The following CNMD variants were observed in gnomAD, a reference collection of about 807,000 sequenced individuals.
CNMD encodes the protein chondromodulin.
In CNMD, 30 loss-of-function variants were observed where a neutral mutation model predicts 37.5. That is an observed-to-expected ratio of 0.80 (90% CI 0.60 to 1.09). The LOEUF (loss-of-function observed/expected upper bound fraction) is 1.09, where lower values mean the gene tolerates loss of function less well. Among genes scored for constraint, CNMD ranks in the 50% least tolerant of loss-of-function variants. The pLI, the probability that CNMD is intolerant of heterozygous loss-of-function variation, is 0.00. For missense variants in CNMD, 398 were observed against 423.9 expected (o/e 0.94, Z 0.54); for synonymous variants, 167 against 148.2 (o/e 1.13, Z -0.92).
chr13:52,733,381 A>G, intron 2 of CNMD, 22 bp from the exon 3 acceptor site: 1 of 1,612,826 alleles, frequency 6.2e-7, no homozygotes. Context: ...CATAAGAGTT[A>G]GTGATGCTTT....
chr13:52,726,048 C>G (rs926624155), intron 3 of CNMD, among the ~76,000 whole-genome samples: 3 of 152,222 alleles, frequency 2.0e-5, no homozygotes, highest in Admixed American at 1.3e-4. Flanking sequence ...TTTCTCCCAG[C>G]ACTACTGCTC....
intron 3 of CNMD, among the ~76,000 whole-genome samples, chr13:52,729,409 A>G (rs183525274): frequency 6.6e-6 from 1 of 152,364 alleles, no homozygotes; most frequent in African/African-American, 2.4e-5. Flanking sequence ...AATTTTTGGC[A>G]TAGTCTTAAT....
chr13:52,715,940 A>G lies in CNMD; in HGVS notation c.469-3071T>C, dbSNP rs1259524585. Among the ~76,000 whole-genome samples the G allele has an allele frequency of 2.0e-5, 3 of 152,328 alleles. No homozygotes were observed. The South Asian group carries it at 6.2e-4, about 32-fold the overall frequency. On this transcript the variant is annotated intron_variant, in intron 4 of 6. Coordinates refer to ENST00000377962, the MANE Select transcript of CNMD (RefSeq NM_007015.3). ...AGGAATCACCACACTGTATTCCACA[A>G]TGGTTAAACTGATTTATAGTCCCAT...
intron 6 of CNMD, among the ~76,000 whole-genome samples, chr13:52,707,460 G>A (rs906203987): frequency 1.4e-4 from 22 of 151,766 alleles, no homozygotes; most frequent in Non-Finnish European, 2.5e-4. Context: ...TCAGCCTAAA[G>A]CATTTTACAT....
intron 4 of CNMD, among the ~76,000 whole-genome samples, chr13:52,715,150 A>G (rs1310861725): frequency 6.6e-6 from 1 of 152,106 alleles, no homozygotes; most frequent in Non-Finnish European, 1.5e-5. Context: ...ATCCAGTTAT[A>G]CTGTTAGTTT....
At chr13:52,719,797 ATG>A (rs1361144918) in intron 4 of CNMD, among the ~76,000 whole-genome samples, 1 of 152,064 alleles carries the variant, frequency 6.6e-6, no homozygotes, top group African/African-American at 2.4e-5. Flanking sequence ...TCTGACGATT[ATG>A]TGTCTTGGGG....
intron 4 of CNMD, among the ~76,000 whole-genome samples, chr13:52,716,814 T>G (rs760254419): frequency 2.0e-5 from 3 of 152,136 alleles, no homozygotes; most frequent in Non-Finnish European, 2.9e-5. Context: ...TTGCATAGGA[T>G]TGTCTTGGTT....
In CNMD at chr13:52,712,755, C is replaced by A; in HGVS notation, c.583G>T (p.Asp195Tyr). The A allele has an allele frequency of 6.5e-7, 1 of 1,549,384 alleles. No homozygotes were observed. Among genetic ancestry groups the A allele is most frequent in the South Asian group, 1.3e-5 (1 of 77,566 alleles). ...LSSKVLELCG[D>Y]LPIFWLKPTY... is the part of the protein sequence containing the mutation. Reference sequence around the variant, plus strand: ...GGTTTAAGCCAGAAAATAGGAAGGTCACCGCAGAGTTCTAACACCTTAGAA... The same window carrying A: ...GGTTTAAGCCAGAAAATAGGAAGGTAACCGCAGAGTTCTAACACCTTAGAA... Residue 195 changes from aspartate to tyrosine, a missense_variant, in exon 5 of 7, where the codon GAC (aspartate) becomes TAC (tyrosine). Coordinates refer to ENST00000377962, the MANE Select transcript of CNMD (RefSeq NM_007015.3).
rs1421926876 is a variant in CNMD, at chr13:52,703,755, CAG to C, written c.843_844del (p.Ile281MetfsTer6). On this transcript the variant is annotated frameshift_variant, in exon 7 of 7. Transcript: ENST00000377962. LOFTEE classifies it high-confidence loss of function. ...GTAGCTCCGCCTACATTCTATACAA[CAG>C]ATTCCTTCGTGATCCAGTCTAGGGT... is the stretch of plus-strand genomic sequence containing the variant. 1.3e-5 allele frequency: 21 copies of C among 1,613,906 alleles called. No homozygotes were observed. In the Admixed American group the frequency reaches 2.5e-4, roughly 19 times the overall value.
At chr13:52,734,585 T>G (rs935690576) in intron 2 of CNMD, among the ~76,000 whole-genome samples, 6 of 151,768 alleles carry the variant, frequency 4.0e-5, no homozygotes, top group Non-Finnish European at 7.4e-5. Flanking sequence ...TTTTTTTGGA[T>G]TTAGATGCAT....
chr13:52,725,998 CTTAA>C (rs1439948069), intron 3 of CNMD, among the ~76,000 whole-genome samples: 3 of 152,166 alleles, frequency 2.0e-5, no homozygotes, highest in Non-Finnish European at 4.4e-5. Flanking sequence ...TGTCTTGTGG[CTTAA>C]TTAATCATGT....
chr13:52,739,036 T>G lies in CNMD; in HGVS notation c.208A>C (p.Ser70Arg), dbSNP rs1964829424. 6.3e-7 allele frequency: 1 copy of G among 1,577,644 alleles called. No individual in the cohort carries two copies. The highest frequency in any genetic ancestry group is 1.8e-5 in the Admixed American group (1 of 55,432). ...GCGCCGCCCTCTGGACTTACGTGAC[T>G]GTCGCTCCCCTTCCAGAAGTAGAAG... The part of the protein sequence containing the change: ...GAFYFWKGSD[S>R]HIYNVHYTMS... The change falls in exon 2 of 7, where the codon AGT becomes CGT. Residue 70 changes from serine (S) to arginine (R), a missense_variant. Transcript: ENST00000377962. The surrounding 1 kb of genome is among the most constrained non-coding windows in gnomAD (Gnocchi z 5.4).
intron 3 of CNMD, among the ~76,000 whole-genome samples, chr13:52,731,941 C>CTATG (rs892615942): frequency 6.6e-6 from 1 of 152,200 alleles, no homozygotes; most frequent in African/African-American, 2.4e-5. Flanking sequence ...ATCTGCAAAG[C>CTATG]TATGACTAAA....
chr13:52,727,372 TA>T (rs2138261998), intron 3 of CNMD, among the ~76,000 whole-genome samples: 1 of 150,792 alleles, frequency 6.6e-6, no homozygotes, highest in South Asian at 2.1e-4. Flanking sequence ...TAAAAAAGAA[TA>T]AAAAAGGGCC....
At chr13:52,704,507 C>T (rs1317696186) in intron 6 of CNMD, among the ~76,000 whole-genome samples, 3 of 152,090 alleles carry the variant, frequency 2.0e-5, no homozygotes, top group African/African-American at 7.2e-5. Context: ...TCTCCATTTT[C>T]ACTGCTGGTG....
chr13:52,712,989 C>T (rs113609438), intron 4 of CNMD, 120 bp from the exon 5 acceptor site: 11 of 687,498 alleles, frequency 1.6e-5, no homozygotes, highest in Admixed American at 3.3e-5. Context: ...TCCGAGCATG[C>T]GTGTGTACAT....
chr13:52,735,996 A>ATT (rs59060322), intron 2 of CNMD, among the ~76,000 whole-genome samples: 1 of 133,162 alleles, frequency 7.5e-6, no homozygotes, highest in African/African-American at 2.8e-5. Context: ...CGCCCAGCTA[A>ATT]TTTTTTTTTT....
chr13:52,704,521 T>C (rs148509295), intron 6 of CNMD, among the ~76,000 whole-genome samples: 14 of 152,266 alleles, frequency 9.2e-5, no homozygotes, highest in Non-Finnish European at 1.8e-4. Context: ...GCTGGTGAGA[T>C]TACAGAACTG....
At chr13:52,710,134 C>G (rs1265495687) in intron 5 of CNMD, among the ~76,000 whole-genome samples, 2 of 152,096 alleles carry the variant, frequency 1.3e-5, no homozygotes, top group Non-Finnish European at 2.9e-5. Context: ...ATATAATAAG[C>G]ACTGAACTAT....
Sources: allele counts gnomAD v4.1 joint callset (sites outside exome capture counted in the v4.1 genomes callset), GRCh38; gene constraint gnomAD v4.1.1; non-coding constraint Gnocchi (gnomAD v3.1); transcripts MANE v1.5; gene names NCBI Gene and HGNC (gene_info 2026-07-23, HGNC 2026-07-21).